XPR1: variants seen among roughly 807,000 people sequenced by gnomAD.
XPR1 encodes the protein xenotropic and polytropic retrovirus receptor 1, also known as solute carrier family 53 member 1.
A neutral mutation model predicts 87.5 loss-of-function variants in XPR1; 28 were observed. The observed-to-expected ratio is 0.32, with a 90% CI of 0.24 to 0.44. The LOEUF (loss-of-function observed/expected upper bound fraction) is 0.44, where lower values mean the gene tolerates loss of function less well. Ranked by LOEUF, XPR1 falls within the 20% of genes least tolerant of loss-of-function variation. The probability of loss-of-function intolerance (pLI) is 1.00; values close to 1 mark genes in which losing one functional copy is unlikely to be tolerated. For synonymous variants in XPR1, 300 were observed against 306.1 expected (o/e 0.98, Z 0.21); for missense variants, 559 against 862.3 (o/e 0.65, Z 4.41).
At chr1:180,803,284 C>A in intron 3 of XPR1, 104 bp from the exon 4 acceptor site, 1 of 1,088,452 alleles carries the variant, frequency 9.2e-7, no homozygotes, top group Non-Finnish European at 1.3e-6. Flanking sequence ...TAACGGTTTT[C>A]TTCTAGAAAT....
At chr1:180,759,636 C>CA (rs1464443772) in intron 2 of XPR1, among the ~76,000 whole-genome samples, 6 of 152,070 alleles carry the variant, frequency 3.9e-5, no homozygotes, top group African/African-American at 1.4e-4. Flanking sequence ...GCTTACCAAC[C>CA]AAAAAAAGTC....
chr1:180,642,744 C>G, intron 1 of XPR1, among the ~76,000 whole-genome samples: 1 of 151,972 alleles, frequency 6.6e-6, no homozygotes, highest in Non-Finnish European at 1.5e-5. Context: ...TGGGTGGTCT[C>G]CTGATCACAG....
At chr1:180,801,847 C>A (rs1649795925) in intron 3 of XPR1, among the ~76,000 whole-genome samples, 1 of 150,592 alleles carries the variant, frequency 6.6e-6, no homozygotes. Flanking sequence ...GTGGCACAAT[C>A]TCGGCTCACT....
chr1:180,722,341 G>T (rs989587537), intron 2 of XPR1, among the ~76,000 whole-genome samples: 1 of 152,010 alleles, frequency 6.6e-6, no homozygotes, highest in African/African-American at 2.4e-5. Context: ...TGATCTACCC[G>T]CCTTGGCCTC....
At chr1:180,781,221 T>TCA (rs2102079450) in intron 2 of XPR1, among the ~76,000 whole-genome samples, 1 of 152,170 alleles carries the variant, frequency 6.6e-6, no homozygotes, top group South Asian at 2.1e-4. Context: ...GAACATTGTT[T>TCA]CAACATTTAC....
At chr1:180,703,657 A>G (rs1657442261) in intron 2 of XPR1, among the ~76,000 whole-genome samples, 1 of 152,108 alleles carries the variant, frequency 6.6e-6, no homozygotes, top group African/African-American at 2.4e-5. Flanking sequence ...TAATTGTTTT[A>G]TGTGTATTTT....
intron 13 of XPR1, among the ~76,000 whole-genome samples, chr1:180,877,255 C>T (rs1355001450): frequency 6.6e-6 from 1 of 152,124 alleles, no homozygotes; most frequent in East Asian, 1.9e-4. Context: ...AGTTAAAAGA[C>T]TTATACTGTC....
At chr1:180,833,867 T>C (rs1364551185) in intron 9 of XPR1, among the ~76,000 whole-genome samples, 1 of 152,210 alleles carries the variant, frequency 6.6e-6, no homozygotes, top group South Asian at 2.1e-4. Flanking sequence ...CTGGAAAATA[T>C]AGACAAGAAT....
intron 1 of XPR1, among the ~76,000 whole-genome samples, chr1:180,643,898 C>A (rs12079458): frequency 0.013 from 1,911 of 152,120 alleles, 30 homozygotes; most frequent in African/African-American, 0.044. Context: ...TTGGGAACAC[C>A]ATTTGACTGG....
chr1:180,825,427 T>C, intron 9 of XPR1, 83 bp downstream of exon 9: 2 of 1,389,494 alleles, frequency 1.4e-6, no homozygotes, highest in Non-Finnish European at 1.9e-6. Context: ...GGCTGCTAGG[T>C]TGTACAACTG....
chr1:180,638,636 A>G (rs1654862679), intron 1 of XPR1, among the ~76,000 whole-genome samples: 1 of 152,136 alleles, frequency 6.6e-6, no homozygotes. Context: ...AGCTTTCAGT[A>G]CCTTAAAAAT....
Position 180,866,667 on chromosome 1 carries a change from G to A in XPR1, c.1668+2793G>A, listed in dbSNP as rs78251600. On this transcript the variant is annotated intron_variant, in intron 12 of 14. Coordinates refer to ENST00000367590, the MANE Select transcript of XPR1 (RefSeq NM_004736.4). ...TATCACTATATTGCGAGGAAGGAGA[G>A]GGAACAGTGAGCCATGTGAATGTGT... Among the ~76,000 whole-genome samples the A allele has an allele frequency of 1.4e-4, 22 of 152,204 alleles. No individual in the cohort carries two copies. In the East Asian group the frequency reaches 4.2e-3, roughly 29 times the overall value.
At chr1:180,650,443 A>T (rs565142309) in intron 1 of XPR1, among the ~76,000 whole-genome samples, 1 of 152,230 alleles carries the variant, frequency 6.6e-6, no homozygotes, top group South Asian at 2.1e-4. Context: ...GATCACCTGT[A>T]TTAGTACTGT....
intron 11 of XPR1, among the ~76,000 whole-genome samples, chr1:180,841,562 A>G (rs1407826233): frequency 6.6e-6 from 1 of 152,176 alleles, no homozygotes; most frequent in Non-Finnish European, 1.5e-5. Flanking sequence ...GAGCTGCTAT[A>G]TGTGTGTCTT....
chr1:180,728,534 A>G (rs1658439140), intron 2 of XPR1, among the ~76,000 whole-genome samples: 1 of 152,224 alleles, frequency 6.6e-6, no homozygotes, highest in African/African-American at 2.4e-5. Context: ...ATTCCGATTA[A>G]CTAATTCTCA....
chr1:180,694,921 T>C (rs1183100789), intron 2 of XPR1, among the ~76,000 whole-genome samples: 4 of 152,134 alleles, frequency 2.6e-5, no homozygotes. Flanking sequence ...TTTCTTTGGA[T>C]TGGGGGATTA....
At chr1:180,879,964 T>C in intron 13 of XPR1, 112 bp from the exon 14 acceptor site, 1 of 1,141,930 alleles carries the variant, frequency 8.8e-7, no homozygotes. Flanking sequence ...TTCAAGCCCT[T>C]AATTCTTTGT....
chr1:180,732,949 G>A (rs1462075841), intron 2 of XPR1, among the ~76,000 whole-genome samples: 1 of 152,138 alleles, frequency 6.6e-6, no homozygotes, highest in Non-Finnish European at 1.5e-5. Flanking sequence ...TTTTCCCCTG[G>A]TGTCTGGCCG....
At chr1:180,756,156 A>G (rs888430806) in intron 2 of XPR1, among the ~76,000 whole-genome samples, 39 of 152,300 alleles carry the variant, frequency 2.6e-4, no homozygotes, top group African/African-American at 7.7e-4. Context: ...CCAAAGATGC[A>G]TAACTTAAAT....
Sources: allele counts gnomAD v4.1 joint callset (sites outside exome capture counted in the v4.1 genomes callset), GRCh38; gene constraint gnomAD v4.1.1; transcripts MANE v1.5; gene names NCBI Gene and HGNC (gene_info 2026-07-23, HGNC 2026-07-21).